The following HFM1 variants were observed in gnomAD, a reference collection of about 807,000 sequenced individuals.
HFM1 encodes the protein probable ATP-dependent DNA helicase HFM1.
HFM1 carries 169 observed loss-of-function variants against 192.1 expected under a neutral mutation model. The ratio of observed to expected loss-of-function variants is 0.88; its 90% CI spans 0.78 to 1.00. The LOEUF is 1.00. Among genes scored for constraint, HFM1 ranks in the 50% least tolerant of loss-of-function variants. The probability of loss-of-function intolerance (pLI) is 0.00; values close to 1 mark genes in which losing one functional copy is unlikely to be tolerated. For missense variants in HFM1, 1,661 were observed against 1,668.0 expected, an observed-to-expected ratio of 1.00 and a Z score of 0.07; for synonymous variants, 525 against 537.8, an observed-to-expected ratio of 0.98 and a Z score of 0.33.
intron 4 of HFM1, 94 bp downstream of exon 4, chr1:91,393,999 T>C: frequency 1.4e-6 from 1 of 697,306 alleles, no homozygotes; most frequent in Middle Eastern, 4.1e-4. Context: ...TTTGCTGTTT[T>C]TCTCATTCAC....
At chr1:91,291,379 G>A (rs532937299) in intron 30 of HFM1, among the ~76,000 whole-genome samples, 74 of 152,164 alleles carry the variant, frequency 4.9e-4, no homozygotes, top group African/African-American at 1.5e-3. Context: ...TATCACCACC[G>A]ATCCCACAGA....
chr1:91,392,514 C>T (rs911723489), intron 4 of HFM1, among the ~76,000 whole-genome samples: 4 of 152,098 alleles, frequency 2.6e-5, no homozygotes, highest in Non-Finnish European at 4.4e-5. Context: ...CCAAACACCA[C>T]GTGTTCTCAC....
At chr1:91,361,229 A>T (rs1338909118) in intron 13 of HFM1, among the ~76,000 whole-genome samples, 1 of 149,676 alleles carries the variant, frequency 6.7e-6, no homozygotes, top group Non-Finnish European at 1.5e-5. Context: ...GACATGAAAA[A>T]ACCCTTCAAA....
At chr1:91,279,361 G>T (rs1667257128) in intron 30 of HFM1, among the ~76,000 whole-genome samples, 1 of 152,118 alleles carries the variant, frequency 6.6e-6, no homozygotes. Context: ...CAGGTGTTTT[G>T]TCCCAAGTCA....
intron 20 of HFM1, among the ~76,000 whole-genome samples, chr1:91,327,811 A>C (rs947832464): frequency 6.6e-6 from 1 of 152,236 alleles, no homozygotes; most frequent in Non-Finnish European, 1.5e-5. Flanking sequence ...AAATAGCAAA[A>C]GGAATTTTGG....
intron 13 of HFM1, among the ~76,000 whole-genome samples, chr1:91,357,075 G>C (rs751833017): frequency 5.5e-4 from 83 of 152,128 alleles, no homozygotes; most frequent in Non-Finnish European, 2.2e-4. Context: ...AAAAAATACA[G>C]CTACAGGGAA....
At chr1:91,343,326 G>A in intron 20 of HFM1, 104 bp downstream of exon 20, 1 of 529,358 alleles carries the variant, frequency 1.9e-6, no homozygotes, top group Non-Finnish European at 3.4e-6. Flanking sequence ...TGAGAACTGA[G>A]ATCACAATTT....
intron 20 of HFM1, chr1:91,328,646 C>T: frequency 1.9e-6 from 3 of 1,591,328 alleles, no homozygotes; most frequent in Non-Finnish European, 2.6e-6. Flanking sequence ...GAGGGCACGC[C>T]ACCACAGCAC....
rs562213008 is a variant in HFM1 at position 91,350,793 on chromosome 1, T to C, written c.2151A>G (p.Glu717=). The stretch of plus-strand genomic sequence containing the variant: ...TATAAAGCAGAGTTGATCGTATCCA[T>C]TCCACAGCAATATTCACATCCGTGA... The part of the protein sequence containing the change: ...HTITDVNIAV[E]WIRSTLLYIR... Residue 717 remains glutamate, a synonymous_variant, in exon 18 of 39, where the codon GAA becomes GAG. Transcript: ENST00000370425. The C allele has an allele frequency of 1.6e-4, 264 of 1,611,000 alleles. 1 individual carries two copies. Among genetic ancestry groups the C allele is most frequent in the Middle Eastern group, 1.5e-3 (9 of 6,030 alleles).
rs186919329 is a variant in HFM1 at position 91,374,628 on chromosome 1, T to A, written c.1685+730A>T. 1.6e-3 allele frequency among the ~76,000 whole-genome samples: 237 copies of A among 152,210 alleles called. 5 individuals carry two copies. The highest frequency in any genetic ancestry group is 0.013 in the Admixed American group (194 of 15,250). ...TATGAGTAACTAAGGAGATAATGTA[T>A]AATTAAGATGGGGAACACTGGAGAA... On this transcript the variant is annotated intron_variant, in intron 13 of 38. Coordinates refer to ENST00000370425, the MANE Select transcript of HFM1 (RefSeq NM_001017975.6).
intron 4 of HFM1, 47 bp downstream of exon 4, chr1:91,394,046 T>C (rs1663327546): frequency 1.9e-6 from 2 of 1,069,250 alleles, no homozygotes; most frequent in Admixed American, 2.5e-5. Context: ...TGTACAAATA[T>C]TCAACTTTAT....
Position 91,315,845 on chromosome 1 carries a change from T to C in HFM1, c.3110A>G (p.Asp1037Gly). ...CTTGTGCAGATAAACTACTTGATTA[T>C]CTGCGTCACCTATGATTAAGGTAAC... is the stretch of plus-strand genomic sequence containing the variant. ...HYVTLIIGDA[D>G]NQVVYLHKIT... The change falls in exon 28 of 39, where the codon GAT becomes GGT. Residue 1037 changes from aspartate (D) to glycine (G), a missense_variant. Transcript: ENST00000370425. 6.2e-7 allele frequency: 1 copy of C among 1,610,528 alleles called. No individual in the cohort carries two copies. Among genetic ancestry groups the C allele is most frequent in the Non-Finnish European group, 8.5e-7 (1 of 1,177,980 alleles).
At position 91,375,546 on chromosome 1, in the gene HFM1, T is replaced by A. The variant is rs754692279; in HGVS notation, c.1577A>T (p.Asp526Val). The A allele has an allele frequency of 1.2e-6, 2 of 1,613,336 alleles. No homozygotes were observed. The highest frequency in any genetic ancestry group is 3.3e-5 in the Admixed American group (2 of 59,894). ...KIASVIQMYS[D>V]QKPTLVFCAT... ...CCATACCACAAGTGTGGGTTTCTGATCAGAGTACATTTGTATAACACTGGC... is the reference window on the plus strand; with the variant it reads ...CCATACCACAAGTGTGGGTTTCTGAACAGAGTACATTTGTATAACACTGGC... Residue 526 changes from aspartate to valine, a missense_variant, in exon 12 of 39, where the codon GAT becomes GTT. Asp to Val is a radical substitution (Grantham distance 152). Transcript: ENST00000370425.
chr1:91,357,199 C>T (rs971559237), intron 13 of HFM1, among the ~76,000 whole-genome samples: 2 of 152,096 alleles, frequency 1.3e-5, no homozygotes, highest in African/African-American at 4.8e-5. Context: ...CAAAAATCCT[C>T]AATAAAATAT....
intron 20 of HFM1, chr1:91,328,279 G>C: frequency 1.1e-6 from 1 of 877,294 alleles, no homozygotes; most frequent in South Asian, 2.2e-5. Context: ...AGCTGAGGGG[G>C]GAAAGTGGGC....
chr1:91,296,079 C>T (rs543613972), intron 30 of HFM1, among the ~76,000 whole-genome samples: 21 of 152,148 alleles, frequency 1.4e-4, no homozygotes, highest in Admixed American at 4.6e-4. Context: ...CTACCATGCC[C>T]GGCTAATTTT....
intron 30 of HFM1, among the ~76,000 whole-genome samples, chr1:91,282,972 A>C (rs1667599671): frequency 6.6e-6 from 1 of 152,194 alleles, no homozygotes; most frequent in African/African-American, 2.4e-5. Context: ...GAGGGCTCCC[A>C]AAAATTTCAA....
intron 19 of HFM1, among the ~76,000 whole-genome samples, chr1:91,346,573 T>G (rs1036954319): frequency 6.6e-6 from 1 of 152,246 alleles, no homozygotes; most frequent in Non-Finnish European, 1.5e-5. Context: ...TAAATTTAAA[T>G]TGGCTAAATA....
chr1:91,386,051 C>A (rs1662173964), intron 4 of HFM1, among the ~76,000 whole-genome samples: 1 of 152,176 alleles, frequency 6.6e-6, no homozygotes, highest in Non-Finnish European at 1.5e-5. Flanking sequence ...TTGTGGCAGT[C>A]ATCCTCCAAA....
Sources: allele counts gnomAD v4.1 joint callset (sites outside exome capture counted in the v4.1 genomes callset), GRCh38; gene constraint gnomAD v4.1.1; transcripts MANE v1.5; gene names NCBI Gene and HGNC (gene_info 2026-07-23, HGNC 2026-07-21).